Variants in GLIS3 observed in about 807,000 individuals in gnomAD.
GLIS3 encodes the protein GLIS family zinc finger 3.
In GLIS3, 53 loss-of-function variants were observed where a neutral mutation model predicts 78.6. That is an observed-to-expected ratio of 0.67 (90% confidence interval 0.54 to 0.85). GLIS3 has a LOEUF of 0.85. Among genes scored for constraint, GLIS3 ranks in the 40% least tolerant of loss-of-function variants. The pLI, the probability that GLIS3 is intolerant of heterozygous loss-of-function variation, is 0.00. For synonymous variants in GLIS3, 684 were observed against 509.9 expected (o/e 1.34, Z -4.60); for missense variants, 1,703 against 1,231.1 (o/e 1.38, Z -5.74).
In GLIS3 at chr9:4,165,508, T is replaced by C. The variant is rs979948803; in HGVS notation, c.389-39567A>G. 3.3e-5 allele frequency among the ~76,000 whole-genome samples: 5 copies of C among 152,200 alleles called. No individual in the cohort carries two copies. In the East Asian group the frequency reaches 7.7e-4, roughly 23 times the overall value. ...GGGGAAAAAGATTTTCTAAGTTATT[T>C]GTTTACAGATAAATGCTTATGAAAA... On this transcript the variant is annotated intron_variant, in intron 2 of 10. Transcript: ENST00000381971.
chr9:4,405,362 A>G, the GLIS3 span, among the ~76,000 whole-genome samples: 2 of 151,008 alleles, frequency 1.3e-5, no homozygotes, highest in Non-Finnish European at 2.9e-5. Flanking sequence ...CTTAAAAAAA[A>G]AAGAAAAAGA....
chr9:3,993,530 C>G (rs1011464197), intron 4 of GLIS3, among the ~76,000 whole-genome samples: 1 of 152,050 alleles, frequency 6.6e-6, no homozygotes, highest in Admixed American at 6.6e-5. Flanking sequence ...CACAATAAGT[C>G]CACTATCTGA....
intron 4 of GLIS3, among the ~76,000 whole-genome samples, chr9:4,001,972 C>G (rs926889442): frequency 6.6e-6 from 1 of 152,202 alleles, no homozygotes; most frequent in Non-Finnish European, 1.5e-5. Context: ...AGTGGCCCCT[C>G]TAATAACGTC....
the GLIS3 span, among the ~76,000 whole-genome samples, chr9:4,414,208 G>C: frequency 6.6e-6 from 1 of 152,150 alleles, no homozygotes; most frequent in African/African-American, 2.4e-5. Context: ...CACTGGGTCA[G>C]CCCAGTTCAG....
At chr9:4,057,163 C>T (rs956293414) in intron 4 of GLIS3, among the ~76,000 whole-genome samples, 2 of 152,112 alleles carry the variant, frequency 1.3e-5, no homozygotes, top group Non-Finnish European at 2.9e-5. Flanking sequence ...AGAGAGAATA[C>T]TAATTCCAGG....
chr9:4,449,536 C>T, the GLIS3 span, among the ~76,000 whole-genome samples: 1 of 152,182 alleles, frequency 6.6e-6, no homozygotes, highest in Admixed American at 6.5e-5. Flanking sequence ...TCCCTGACCC[C>T]CGTGTAGCCT....
chr9:3,859,506 A>G, intron 8 of GLIS3, among the ~76,000 whole-genome samples: 1 of 152,206 alleles, frequency 6.6e-6, no homozygotes, highest in East Asian at 1.9e-4. Flanking sequence ...AAATAAACAA[A>G]ACATTGTAAT....
At chr9:4,068,480 G>A (rs1381691652) in intron 4 of GLIS3, among the ~76,000 whole-genome samples, 2 of 152,140 alleles carry the variant, frequency 1.3e-5, no homozygotes, top group Non-Finnish European at 2.9e-5. Context: ...AAGAAAAAAG[G>A]CTAATGATGT....
At chr9:4,369,117 A>C in the GLIS3 span, among the ~76,000 whole-genome samples, 1 of 152,176 alleles carries the variant, frequency 6.6e-6, no homozygotes, top group East Asian at 1.9e-4. Flanking sequence ...TTTGAAAATC[A>C]GCTTCACCTT....
At chr9:4,089,315 C>G (rs533013151) in intron 4 of GLIS3, among the ~76,000 whole-genome samples, 1 of 152,092 alleles carries the variant, frequency 6.6e-6, no homozygotes, top group South Asian at 2.1e-4. Flanking sequence ...ATGAAGATGT[C>G]TAAACAGTCT....
At chr9:4,025,699 A>T (rs1823278825) in intron 4 of GLIS3, among the ~76,000 whole-genome samples, 1 of 152,190 alleles carries the variant, frequency 6.6e-6, no homozygotes, top group African/African-American at 2.4e-5. Context: ...CCCATGTTTT[A>T]GATCACATGA....
chr9:4,481,482 AATT>A, the GLIS3 span, among the ~76,000 whole-genome samples: 1 of 42,920 alleles, frequency 2.3e-5, no homozygotes, highest in African/African-American at 1.2e-4. Flanking sequence ...CCCATCAAAA[AATT>A]AATTAATTAA....
At chr9:4,417,585 C>T in the GLIS3 span, among the ~76,000 whole-genome samples, 5 of 152,228 alleles carry the variant, frequency 3.3e-5, no homozygotes, top group South Asian at 2.1e-4. Context: ...ATGAACATTC[C>T]TATACATGCA....
chr9:4,123,355 A>C, intron 3 of GLIS3, among the ~76,000 whole-genome samples: 1 of 152,142 alleles, frequency 6.6e-6, no homozygotes. Flanking sequence ...CCTGCAGTAC[A>C]GTTTGAGAAT....
chr9:3,935,336 T>C (rs1825831669), intron 5 of GLIS3, among the ~76,000 whole-genome samples: 1 of 151,962 alleles, frequency 6.6e-6, no homozygotes, highest in Non-Finnish European at 1.5e-5. Flanking sequence ...AATAGAGAAA[T>C]AATTTTTCCA....
At chr9:3,857,781 G>A (rs1482657993) in intron 8 of GLIS3, among the ~76,000 whole-genome samples, 1 of 152,206 alleles carries the variant, frequency 6.6e-6, no homozygotes, top group African/African-American at 2.4e-5. Flanking sequence ...TGAATAGCTT[G>A]AGAGAAAACA....
the GLIS3 span, among the ~76,000 whole-genome samples, chr9:4,400,103 G>C: frequency 6.6e-6 from 1 of 152,194 alleles, no homozygotes; most frequent in Admixed American, 6.5e-5. Context: ...CAAGGACCAG[G>C]AGTATCATTG....
chr9:4,042,160 G>A (rs530332290), intron 4 of GLIS3, among the ~76,000 whole-genome samples: 1 of 152,122 alleles, frequency 6.6e-6, no homozygotes, highest in Non-Finnish European at 1.5e-5. Context: ...CAATCTCTTG[G>A]TCAGGAGCTT....
chr9:4,214,184 A>C (rs961146900), intron 2 of GLIS3, among the ~76,000 whole-genome samples: 2 of 152,180 alleles, frequency 1.3e-5, no homozygotes, highest in African/African-American at 4.8e-5. Context: ...AAAGTAGGAT[A>C]ATTGCTCAAA....
Sources: gnomAD v4.1 joint callset for allele counts (sites outside exome capture counted in the v4.1 genomes callset) on GRCh38, gnomAD v4.1.1 for gene constraint, MANE v1.5 for transcripts, NCBI Gene and HGNC (gene_info 2026-07-23, HGNC 2026-07-21) for gene names.